RNF10: variants seen among roughly 807,000 people sequenced by gnomAD.
The protein encoded by RNF10 is E3 ubiquitin-protein ligase RNF10.
RNF10 carries 38 observed loss-of-function variants against 91.4 expected under a neutral mutation model. That is an observed-to-expected ratio of 0.42 (90% CI 0.32 to 0.54). The LOEUF (loss-of-function observed/expected upper bound fraction) is 0.54. Ranked by LOEUF, RNF10 falls within the 20% of genes least tolerant of loss-of-function variation. The probability of loss-of-function intolerance (pLI) is 0.16; values close to 1 mark genes in which losing one functional copy is unlikely to be tolerated. For synonymous variants in RNF10, 364 were observed against 366.3 expected (o/e 0.99, Z 0.07); for missense variants, 945 against 1,012.0 (o/e 0.93, Z 0.90).
rs144595102 is a variant in RNF10 at position 120,542,155 on chromosome 12, C to T, written c.158-4250C>T. 4.7e-3 allele frequency among the ~76,000 whole-genome samples: 723 copies of T among 152,254 alleles called. 6 individuals are homozygous for T. Among genetic ancestry groups the T allele is most frequent in the African/African-American group, 0.016 (664 of 41,552 alleles). On this transcript the variant is annotated intron_variant, in intron 1 of 16. Coordinates refer to ENST00000325954, the MANE Select transcript of RNF10 (RefSeq NM_014868.5). Reference sequence around the variant, plus strand: ...TGCTGGGATTACAGGCGTGAGCCACCGTGCCTGGCCTTTTTCTTTTTTTGA... The same window carrying T: ...TGCTGGGATTACAGGCGTGAGCCACTGTGCCTGGCCTTTTTCTTTTTTTGA...
intron 1 of RNF10, among the ~76,000 whole-genome samples, chr12:120,541,754 C>G (rs1288382076): frequency 6.7e-6 from 1 of 148,378 alleles, no homozygotes; most frequent in Non-Finnish European, 1.5e-5. Context: ...TAGAGACAAG[C>G]TCTCGCTCTG....
At chr12:120,555,212 C>T (rs908656604) in intron 4 of RNF10, among the ~76,000 whole-genome samples, 2 of 152,216 alleles carry the variant, frequency 1.3e-5, no homozygotes, top group African/African-American at 2.4e-5. Flanking sequence ...GAAAGAGTCT[C>T]ACTCTGTTGC....
chr12:120,544,049 G>A (rs557125971), intron 1 of RNF10, among the ~76,000 whole-genome samples: 6 of 151,602 alleles, frequency 4.0e-5, no homozygotes, highest in Non-Finnish European at 5.9e-5. Context: ...CCAATGTGGC[G>A]AAACTCCATC....
rs548026363 is a variant in RNF10 at position 120,534,396 on chromosome 12, C to T, written c.-416C>T. On this transcript the variant is annotated 5_prime_UTR_variant, in exon 1 of 17. Transcript: ENST00000325954. The stretch of plus-strand genomic sequence containing the variant: ...GTCGCCATTCCCGGAGCAGGTCGGC[C>T]TCGGCCCAGGGGCGAGTATCCGTTG... 3.5e-5 allele frequency: 6 copies of T among 171,830 alleles called. No homozygotes were observed. In the South Asian group the frequency reaches 5.6e-4, roughly 16 times the overall value. The allele number at this position is 171,830 out of a possible 1,614,324, so 10.6% of individuals were successfully genotyped here. A position where few individuals can be genotyped will look rare whatever the true frequency, so the allele number is the denominator to read the frequency against.
chr12:120,559,079 A>C, intron 6 of RNF10, among the ~76,000 whole-genome samples: 1 of 150,992 alleles, frequency 6.6e-6, no homozygotes, highest in African/African-American at 2.4e-5. Context: ...TTTTTATTTT[A>C]AAAAATTAAC....
At chr12:120,540,475 G>A (rs914795897) in intron 1 of RNF10, among the ~76,000 whole-genome samples, 26 of 152,068 alleles carry the variant, frequency 1.7e-4, no homozygotes, top group African/African-American at 5.8e-4. Context: ...TTCTACCCTC[G>A]AGTTTTTCCC....
intron 3 of RNF10, among the ~76,000 whole-genome samples, chr12:120,553,247 C>T (rs1873428929): frequency 7.6e-6 from 1 of 131,292 alleles, no homozygotes; most frequent in Non-Finnish European, 1.7e-5. Context: ...CCACCCCCGT[C>T]TAATTTTTTT....
chr12:120,553,597 G>A (rs1248427214), intron 3 of RNF10, among the ~76,000 whole-genome samples: 1 of 151,248 alleles, frequency 6.6e-6, no homozygotes, highest in African/African-American at 2.4e-5. Context: ...TAGAGATGGT[G>A]TTGCACCGTA....
At chr12:120,535,425 G>C (rs1235547727) in intron 1 of RNF10, 2 of 152,522 alleles carry the variant, frequency 1.3e-5, no homozygotes, top group African/African-American at 4.8e-5. Context: ...TTAATAACCT[G>C]GTCCCAGATC....
At chr12:120,542,921 G>C (rs1046030322) in intron 1 of RNF10, among the ~76,000 whole-genome samples, 1 of 152,178 alleles carries the variant, frequency 6.6e-6, no homozygotes, top group South Asian at 2.1e-4. Context: ...AGTGAACCTA[G>C]CCTGTTTCTG....
chr12:120,554,256 G>C (rs905318773), intron 3 of RNF10: 7 of 159,022 alleles, frequency 4.4e-5, no homozygotes, highest in Non-Finnish European at 9.6e-5. Flanking sequence ...GGCCAGGCTG[G>C]TCTCTAACTC....
chr12:120,550,268 G>A (rs1204379185), intron 2 of RNF10, among the ~76,000 whole-genome samples: 2 of 152,114 alleles, frequency 1.3e-5, no homozygotes, highest in Non-Finnish European at 2.9e-5. Flanking sequence ...GCTGAGATGG[G>A]AGGGGCAAGC....
intron 14 of RNF10, chr12:120,575,368 G>C: frequency 2.3e-6 from 1 of 425,676 alleles, no homozygotes. Context: ...AGAATCTCTT[G>C]TGCCTTCTGT....
chr12:120,546,335 A>AGGTGGAG, intron 1 of RNF10, 70 bp from the exon 2 acceptor site: 1 of 1,417,420 alleles, frequency 7.1e-7, no homozygotes, highest in Non-Finnish European at 9.7e-7. Context: ...TTTTGCTGGG[A>AGGTGGAG]GGTGGAGGGC....
At chr12:120,562,480 G>C (rs1283240490) in intron 7 of RNF10, among the ~76,000 whole-genome samples, 1 of 151,810 alleles carries the variant, frequency 6.6e-6, no homozygotes, top group African/African-American at 2.4e-5. Flanking sequence ...CTCCATGTTG[G>C]TCAGGGTGGT....
intron 7 of RNF10, among the ~76,000 whole-genome samples, chr12:120,562,188 C>T (rs1302587236): frequency 1.3e-5 from 2 of 151,170 alleles, no homozygotes; most frequent in Non-Finnish European, 2.9e-5. Flanking sequence ...GTGTTCCCCT[C>T]TATGTGTCCA....
chr12:120,554,897 T>C, intron 4 of RNF10, 89 bp downstream of exon 4: 1 of 1,000,704 alleles, frequency 1.0e-6, no homozygotes, highest in South Asian at 1.3e-5. Flanking sequence ...CTGTGTGCAC[T>C]GCTTGATACC....
At chr12:120,572,887 C>G (rs1370462457) in intron 14 of RNF10, among the ~76,000 whole-genome samples, 1 of 148,426 alleles carries the variant, frequency 6.7e-6, no homozygotes, top group Non-Finnish European at 1.5e-5. Flanking sequence ...AGACATGAAC[C>G]ACTGCGCCTG....
chr12:120,536,472 A>C (rs528498663), intron 1 of RNF10, among the ~76,000 whole-genome samples: 15 of 152,252 alleles, frequency 9.9e-5, no homozygotes, highest in South Asian at 6.2e-4. Flanking sequence ...AACAAAAAAA[A>C]CAGAAAATTG....
Sources: gnomAD v4.1 joint callset for allele counts (sites outside exome capture counted in the v4.1 genomes callset) on GRCh38, gnomAD v4.1.1 for gene constraint, MANE v1.5 for transcripts, NCBI Gene and HGNC (gene_info 2026-07-23, HGNC 2026-07-21) for gene names.